The following E2F7 variants were observed in gnomAD, a reference collection of about 807,000 sequenced individuals.
E2F7 encodes E2F transcription factor 7.
E2F7 carries 35 observed loss-of-function variants against 81.1 expected under a neutral mutation model. The observed-to-expected ratio is 0.43, with a 90% confidence interval of 0.33 to 0.57. E2F7 has a LOEUF of 0.57. Ranked by LOEUF, E2F7 falls within the 20% of genes least tolerant of loss-of-function variation. The probability of loss-of-function intolerance (pLI) is 0.04; values close to 1 mark genes in which losing one functional copy is unlikely to be tolerated. For missense variants in E2F7, 961 were observed against 1,093.7 expected (o/e 0.88, Z 1.71); for synonymous variants, 416 against 416.2 (o/e 1.00, Z 0.01).
chr12:77,057,035 C>T (rs1376708654), intron 2 of E2F7, among the ~76,000 whole-genome samples: 1 of 151,774 alleles, frequency 6.6e-6, no homozygotes, highest in Non-Finnish European at 1.5e-5. Context: ...CACAGACATG[C>T]ACCACTACAC....
Position 77,056,120 on chromosome 12 carries a change from A to G in E2F7, c.104T>C (p.Phe35Ser), listed in dbSNP as rs767059210. Reference protein sequence around the residue: ...DGENAQKENIFVDRSRMAPKT... With the variant: ...DGENAQKENISVDRSRMAPKT... ...CGGGGCCATCCTTGATCGATCAACA[A>G]ATATATTTTCCTATTTTAAAAAAGA... Residue 35 changes from phenylalanine to serine, a missense_variant, in exon 3 of 13, where the codon TTT (phenylalanine) becomes TCT (serine). By Grantham distance (155) the Phe-to-Ser change is radical. This residue lies in a region of E2F7 where 73 missense variants were observed against 68.4 expected (regional missense o/e 1.07). Transcript: ENST00000322886. 6.3e-7 allele frequency: 1 copy of G among 1,595,708 alleles called. No individual in the cohort carries two copies. The highest frequency in any genetic ancestry group is 2.2e-5 in the East Asian group (1 of 44,806).
At chr12:77,046,979 T>A (rs949560985) in intron 4 of E2F7, among the ~76,000 whole-genome samples, 1 of 152,194 alleles carries the variant, frequency 6.6e-6, no homozygotes, top group East Asian at 1.9e-4. Flanking sequence ...TGGAACAACA[T>A]GGGAGTCTCC....
At position 77,063,577 on chromosome 12, in the gene E2F7, C is replaced by T. The variant is rs185993238; in HGVS notation, c.93+966G>A. ...ACAGTTTCAGGTACTCACTGCAGGT[C>T]TTGGAACACATTCCCTGTGGATAAG... On this transcript the variant is annotated intron_variant, in intron 2 of 12. Coordinates refer to ENST00000322886, the MANE Select transcript of E2F7 (RefSeq NM_203394.3). 8.5e-5 allele frequency among the ~76,000 whole-genome samples: 13 copies of T among 152,258 alleles called. No homozygotes were observed. In the East Asian group the frequency reaches 2.5e-3, roughly 29 times the overall value.
intron 9 of E2F7, among the ~76,000 whole-genome samples, chr12:77,031,752 T>C (rs371459437): frequency 7.2e-5 from 11 of 152,332 alleles, no homozygotes; most frequent in East Asian, 3.9e-4. Flanking sequence ...GATGGAATCA[T>C]GGAAGACCTG....
In E2F7 at chr12:77,056,056, C is replaced by A. The variant is rs1226380475; in HGVS notation, c.168G>T (p.Lys56Asn). Reference sequence around the variant, plus strand: ...TTCTTTCTGGAGTAAATTTTTTTTGCTTCGATAAATCAATTGGTTCATTTT... The same window carrying A: ...TTCTTTCTGGAGTAAATTTTTTTTGATTCGATAAATCAATTGGTTCATTTT... The part of the protein sequence containing the change: ...PIKNEPIDLS[K>N]QKKFTPERNP... The change falls in exon 3 of 13, where the codon AAG (lysine) becomes AAT (asparagine). Residue 56 changes from lysine to asparagine, a missense_variant. By Grantham distance (94) the Lys-to-Asn change is moderately conservative. Transcript: ENST00000322886. 1.2e-6 allele frequency: 2 copies of A among 1,613,950 alleles called. No homozygotes were observed. The highest frequency in any genetic ancestry group is 1.7e-6 in the Non-Finnish European group (2 of 1,179,956).
In E2F7 at chr12:77,025,848, G is replaced by A. The variant is rs1954753787; in HGVS notation, c.2275C>T (p.Leu759Phe). The A allele has an allele frequency of 6.2e-7, 1 of 1,614,036 alleles. No homozygotes were observed. Among genetic ancestry groups the A allele is most frequent in the East Asian group, 2.2e-5 (1 of 44,884 alleles). ...GGGCCCGGCATTGCAGGAGAATAGA[G>A]AACAGGAAAAGGGCCCAGAGGTGGA... ...PSPPLGPFPV[L>F]YSPAMPGPVS... Residue 759 changes from leucine (L) to phenylalanine (F), a missense_variant, in exon 12 of 13, where the codon CTC becomes TTC. Physicochemically the swap from Leu to Phe is conservative, Grantham distance 22. Coordinates refer to ENST00000322886, the MANE Select transcript of E2F7 (RefSeq NM_203394.3).
At position 77,055,838 on chromosome 12, in the gene E2F7, G is replaced by A; in HGVS notation, c.369+17C>T. On this transcript the variant is annotated intron_variant, in intron 3 of 12. Coordinates refer to ENST00000322886, the MANE Select transcript of E2F7 (RefSeq NM_203394.3). ...GTTTAAGTTCTAAAAAATCCCTGAG[G>A]AGCACAGTCTGTTTACCTGTAGAGA... 3 of 1,568,614 alleles carry A rather than the reference G, an allele frequency of 1.9e-6. No homozygotes were observed. Among genetic ancestry groups the A allele is most frequent in the Non-Finnish European group, 2.6e-6 (3 of 1,160,228 alleles).
intron 4 of E2F7, among the ~76,000 whole-genome samples, chr12:77,048,794 T>C (rs1466603693): frequency 6.6e-6 from 1 of 152,136 alleles, no homozygotes; most frequent in African/African-American, 2.4e-5. Context: ...TGCACAACGA[T>C]CTGCAGCCAT....
At chr12:77,032,460 G>A (rs1269830382) in intron 9 of E2F7, among the ~76,000 whole-genome samples, 1 of 152,092 alleles carries the variant, frequency 6.6e-6, no homozygotes, top group Non-Finnish European at 1.5e-5. Context: ...TCTGTTTAGC[G>A]TTTCTTCTGC....
Position 77,044,766 on chromosome 12 carries a change from G to A in E2F7, c.859C>T (p.Leu287=). The change falls in exon 6 of 13, where the codon CTG becomes TTG. Residue 287 remains leucine (L), a synonymous_variant. Coordinates refer to ENST00000322886, the MANE Select transcript of E2F7 (RefSeq NM_203394.3). Reference sequence around the variant, plus strand: ...ACAAACTTCTGGCTCATAATTCTCAGAGACTTGTCTTTTCTACTGTTTGCA... The same window carrying A: ...ACAAACTTCTGGCTCATAATTCTCAAAGACTTGTCTTTTCTACTGTTTGCA... The part of the protein sequence containing the change: ...SSANSRKDKS[L]RIMSQKFVML... The A allele has an allele frequency of 6.2e-7, 1 of 1,614,074 alleles. No individual in the cohort carries two copies. Among genetic ancestry groups the A allele is most frequent in the African/African-American group, 1.3e-5 (1 of 75,046 alleles).
intron 2 of E2F7, among the ~76,000 whole-genome samples, chr12:77,062,487 G>T (rs1453614264): frequency 6.6e-6 from 1 of 152,146 alleles, no homozygotes; most frequent in Non-Finnish European, 1.5e-5. Context: ...CTCTGTGGAA[G>T]CACCCTGTTC....
chr12:77,049,577 T>TA (rs1349318121), intron 4 of E2F7, among the ~76,000 whole-genome samples: 14 of 152,168 alleles, frequency 9.2e-5, no homozygotes, highest in African/African-American at 3.4e-4. Context: ...GCCTGTAAAT[T>TA]AGAGAGCTGG....
intron 2 of E2F7, among the ~76,000 whole-genome samples, chr12:77,058,496 C>A (rs1364235071): frequency 3.9e-5 from 6 of 152,154 alleles, no homozygotes; most frequent in African/African-American, 1.4e-4. Context: ...ATCTTTTCCA[C>A]AGCTCCAACC....
chr12:77,032,295 A>T (rs73395899), intron 9 of E2F7, among the ~76,000 whole-genome samples: 1 of 151,996 alleles, frequency 6.6e-6, no homozygotes, highest in African/African-American at 2.4e-5. Flanking sequence ...TGCCTCCAAC[A>T]CCTAACCTCT....
chr12:77,034,001 A>G lies in E2F7; in HGVS notation c.1165T>C (p.Leu389=). Residue 389 remains leucine, a synonymous_variant, in exon 8 of 13, where the codon TTG becomes CTG. Transcript: ENST00000322886. Reference sequence around the variant, plus strand: ...ATCTGGCCATATGTTTCTCTTTTCAATTCTGGTAAGACAGATGCAGAAACA... The same window carrying G: ...ATCTGGCCATATGTTTCTCTTTTCAGTTCTGGTAAGACAGATGCAGAAACA... ...VDVSASVLPE[L]KRETYGQIQV... 1.2e-6 allele frequency: 2 copies of G among 1,614,110 alleles called. No individual in the cohort carries two copies. The highest frequency in any genetic ancestry group is 2.2e-5 in the East Asian group (1 of 44,876).
intron 2 of E2F7, among the ~76,000 whole-genome samples, chr12:77,058,309 TC>T (rs1248889952): frequency 6.6e-6 from 1 of 152,204 alleles, no homozygotes; most frequent in Non-Finnish European, 1.5e-5. Context: ...CTAATATTTT[TC>T]CGTTGTATAG....
chr12:77,030,312 T>G lies in E2F7; in HGVS notation c.1403A>C (p.Lys468Thr), dbSNP rs1954796009. 1 of 1,555,400 alleles carries G rather than the reference T, an allele frequency of 6.4e-7. No individual in the cohort carries two copies. The highest frequency in any genetic ancestry group is 8.7e-7 in the Non-Finnish European group (1 of 1,150,704). The change falls in exon 10 of 13, where the codon AAG becomes ACG. Residue 468 changes from lysine (K) to threonine (T), a missense_variant. Transcript: ENST00000322886. ...GCTGCTTGATGGAGGCACCACTCTC[T>G]TACTGGCAAAGGCTTTTCCCCTATA... ...DNSQGKAFAS[K>T]RVVPPSSSLD...
Position 77,046,144 on chromosome 12 carries a change from T to C in E2F7, c.723A>G (p.Lys241=). ...YEEQMAYLQQ[K]ELDLIDYKFG... is the part of the protein sequence containing the mutation. The stretch of plus-strand genomic sequence containing the variant: ...ATTTATAATCTATCAGGTCCAGCTC[T>C]TTCTGTTGGAGGTAGGCCATTTGCT... Residue 241 remains lysine, a synonymous_variant, in exon 5 of 13, where the codon AAA becomes AAG. Coordinates refer to ENST00000322886, the MANE Select transcript of E2F7 (RefSeq NM_203394.3). The C allele has an allele frequency of 6.2e-7, 1 of 1,614,224 alleles. No individual in the cohort carries two copies. Among genetic ancestry groups the C allele is most frequent in the Non-Finnish European group, 8.5e-7 (1 of 1,180,042 alleles).
intron 3 of E2F7, among the ~76,000 whole-genome samples, chr12:77,052,964 A>T (rs554501373): frequency 6.6e-6 from 1 of 152,294 alleles, no homozygotes; most frequent in African/African-American, 2.4e-5. Context: ...TCACAAAAAG[A>T]TACATACTGT....
Sources: allele counts gnomAD v4.1 joint callset (sites outside exome capture counted in the v4.1 genomes callset), GRCh38; gene constraint gnomAD v4.1.1; regional missense constraint gnomAD v4.1.1; transcripts MANE v1.5; gene names NCBI Gene and HGNC (gene_info 2026-07-23, HGNC 2026-07-21).